NEO1: variants seen among roughly 807,000 people sequenced by gnomAD.
NEO1 encodes neogenin 1, also known as neogenin.
In NEO1, 63 loss-of-function variants were observed where a neutral mutation model predicts 159.7. The observed-to-expected ratio is 0.39, with a 90% CI of 0.32 to 0.49. The LOEUF is 0.49. Among genes scored for constraint, NEO1 ranks in the 20% least tolerant of loss-of-function variants. The pLI is 0.85. For missense variants in NEO1, 1,615 were observed against 1,831.0 expected (o/e 0.88, Z 2.15); for synonymous variants, 633 against 662.0 (o/e 0.96, Z 0.67).
intron 1 of NEO1, among the ~76,000 whole-genome samples, chr15:73,069,673 C>G (rs775802874): frequency 6.6e-6 from 1 of 151,534 alleles, no homozygotes; most frequent in Non-Finnish European, 1.5e-5. Flanking sequence ...TATACACATA[C>G]GTATATATAT....
intron 1 of NEO1, among the ~76,000 whole-genome samples, chr15:73,096,702 A>G (rs1183305179): frequency 6.6e-6 from 1 of 152,158 alleles, no homozygotes; most frequent in Non-Finnish European, 1.5e-5. Flanking sequence ...TCATCAAGCA[A>G]GGGTGACTTT....
At position 73,248,931 on chromosome 15, in the gene NEO1, A is replaced by G. The variant is rs541782521; in HGVS notation, c.1607-129A>G. On this transcript the variant is annotated intron_variant, in intron 9 of 28. Transcript: ENST00000261908. ...TATATATTATTCTAAAACCACTTCA[A>G]TCAAATCCATTGTTTTCTTAGCTTC... 6.3e-5 allele frequency: 56 copies of G among 890,024 alleles called. No individual in the cohort carries two copies. The South Asian group carries it at 1.0e-3, about 16-fold the overall frequency. The allele number at this position is 890,024 out of a possible 1,614,324, so 55.1% of individuals were successfully genotyped here. A position where few individuals can be genotyped will look rare whatever the true frequency, so the allele number is the denominator to read the frequency against.
intron 22 of NEO1, among the ~76,000 whole-genome samples, chr15:73,279,266 CT>C (rs2041561569): frequency 6.6e-6 from 1 of 151,544 alleles, no homozygotes; most frequent in African/African-American, 2.4e-5. Flanking sequence ...ATTTTTAAGG[CT>C]GTGAGGAAGG....
chr15:73,193,454 T>G (rs2036349885), intron 7 of NEO1, among the ~76,000 whole-genome samples: 1 of 151,844 alleles, frequency 6.6e-6, no homozygotes, highest in Admixed American at 6.6e-5. Context: ...TTAGCAAGTT[T>G]AATGTTTTCA....
intron 7 of NEO1, among the ~76,000 whole-genome samples, chr15:73,212,154 C>G (rs549023491): frequency 6.6e-6 from 1 of 152,284 alleles, no homozygotes; most frequent in South Asian, 2.1e-4. Context: ...AGCCCAGAGC[C>G]TCTCTGATTT....
intron 6 of NEO1, among the ~76,000 whole-genome samples, chr15:73,177,274 C>T (rs1355738007): frequency 2.6e-5 from 4 of 152,028 alleles, no homozygotes; most frequent in Admixed American, 6.6e-5. Flanking sequence ...AGATTAATGA[C>T]ATACCTTGAG....
At chr15:73,181,835 G>T (rs1038944016) in intron 7 of NEO1, among the ~76,000 whole-genome samples, 2 of 152,122 alleles carry the variant, frequency 1.3e-5, no homozygotes, top group South Asian at 4.1e-4. Flanking sequence ...ATCTGATTGA[G>T]ACTTTATCAA....
chr15:73,109,597 A>T (rs2070864704), intron 1 of NEO1, among the ~76,000 whole-genome samples: 1 of 152,036 alleles, frequency 6.6e-6, no homozygotes, highest in Non-Finnish European at 1.5e-5. Context: ...GTGGTTGGGA[A>T]GGTAGTGGCT....
At chr15:73,254,068 G>A (rs2040218484) in intron 12 of NEO1, among the ~76,000 whole-genome samples, 2 of 152,190 alleles carry the variant, frequency 1.3e-5, no homozygotes, top group Admixed American at 6.5e-5. Context: ...GCTCACGCCT[G>A]TAGTCCCAGC....
chr15:73,101,378 C>T lies in NEO1; in HGVS notation c.131-15162C>T, dbSNP rs1041737797. ...TTAATAGTCAAGGGGATTCTTCTGC[C>T]AAATTCTGGAGTATGCACGCTCTCA... On this transcript the variant is annotated intron_variant, in intron 1 of 28. Transcript: ENST00000261908. 1.4e-4 allele frequency among the ~76,000 whole-genome samples: 21 copies of T among 152,216 alleles called. 1 individual carries two copies. Among genetic ancestry groups the T allele is most frequent in the African/African-American group, 3.9e-4 (16 of 41,464 alleles).
rs745799392 is a variant in NEO1 at position 73,266,294 on chromosome 15, ATG to A, written c.2399-16_2399-15del. 1.9e-6 allele frequency: 3 copies of A among 1,580,440 alleles called. No individual in the cohort carries two copies. The highest frequency in any genetic ancestry group is 2.6e-6 in the Non-Finnish European group (3 of 1,157,922). On this transcript the variant is annotated intron_variant, in intron 15 of 28. Coordinates refer to ENST00000261908, the MANE Select transcript of NEO1 (RefSeq NM_002499.4). ...AAATTCTGTAGTGAGCATTTTTTTA[ATG>A]TGTGTTTCTTTTTTTTCAGATCCCA...
intron 13 of NEO1, among the ~76,000 whole-genome samples, chr15:73,258,249 A>G (rs2040459652): frequency 6.6e-6 from 1 of 152,326 alleles, no homozygotes; most frequent in South Asian, 2.1e-4. Context: ...TTGTTAAGGA[A>G]TAGATTTTGA....
intron 9 of NEO1, among the ~76,000 whole-genome samples, chr15:73,248,163 C>T (rs1289093728): frequency 6.6e-6 from 1 of 152,180 alleles, no homozygotes; most frequent in Admixed American, 6.5e-5. Context: ...GCTTGACTGA[C>T]TGTAACCATT....
chr15:73,228,475 T>C (rs1333311908), intron 7 of NEO1, among the ~76,000 whole-genome samples: 1 of 149,208 alleles, frequency 6.7e-6, no homozygotes, highest in Non-Finnish European at 1.5e-5. Context: ...GTTTTTTTTT[T>C]TTTTATCAGA....
chr15:73,229,335 G>A (rs1378460430), intron 7 of NEO1, among the ~76,000 whole-genome samples: 1 of 151,736 alleles, frequency 6.6e-6, no homozygotes, highest in South Asian at 2.1e-4. Flanking sequence ...ATTGTGAGTG[G>A]AATTTGTGAA....
intron 5 of NEO1, among the ~76,000 whole-genome samples, chr15:73,160,383 A>G (rs2034085858): frequency 6.6e-6 from 1 of 152,070 alleles, no homozygotes; most frequent in African/African-American, 2.4e-5. Context: ...TAGAAACAGT[A>G]CTACTTACTA....
At chr15:73,218,239 C>T (rs960367878) in intron 7 of NEO1, among the ~76,000 whole-genome samples, 18 of 150,546 alleles carry the variant, frequency 1.2e-4, no homozygotes, top group African/African-American at 3.7e-4. Flanking sequence ...TATTGATTTG[C>T]GTATATTGAA....
At chr15:73,190,107 C>T (rs2036157215) in intron 7 of NEO1, among the ~76,000 whole-genome samples, 1 of 151,998 alleles carries the variant, frequency 6.6e-6, no homozygotes, top group Admixed American at 6.6e-5. Flanking sequence ...CAAAAAAAAG[C>T]ATTGGCAGGT....
In NEO1 at chr15:73,176,434, T is replaced by C; in HGVS notation, c.1047T>C (p.Asn349=). ...CTGAATTCCTGAAGCAGCCTACTAA[T>C]ATATATGCTCACGAATCTATGGATA... is the stretch of plus-strand genomic sequence containing the variant. ...AQPEFLKQPT[N]IYAHESMDIV... Residue 349 remains asparagine, a synonymous_variant, in exon 6 of 29, where the codon AAT becomes AAC. Transcript: ENST00000261908. The C allele has an allele frequency of 1.2e-6, 2 of 1,603,294 alleles. No individual in the cohort carries two copies.
Sources: gnomAD v4.1 joint callset for allele counts (sites outside exome capture counted in the v4.1 genomes callset) on GRCh38, gnomAD v4.1.1 for gene constraint, MANE v1.5 for transcripts, NCBI Gene and HGNC (gene_info 2026-07-23, HGNC 2026-07-21) for gene names.